The following BID variants were observed in gnomAD, a reference collection of about 807,000 sequenced individuals.
The protein encoded by BID is BH3 interacting domain death agonist, also known as BH3-interacting domain death agonist.
BID carries 19 observed loss-of-function variants against 17.4 expected under a neutral mutation model. That is an observed-to-expected ratio of 1.09 (90% CI 0.76 to 1.60). The LOEUF (loss-of-function observed/expected upper bound fraction) is 1.60. BID is among the 40% of genes most tolerant of loss of function. BID has a pLI of 0.00. For synonymous variants in BID, 108 were observed against 102.8 expected, an observed-to-expected ratio of 1.05 and a Z score of -0.31; for missense variants, 226 against 256.0, an observed-to-expected ratio of 0.88 and a Z score of 0.80.
chr22:17,739,642 G>A (rs571523136), intron 3 of BID, 154 bp from the exon 4 acceptor site: 31 of 1,051,036 alleles, frequency 2.9e-5, no homozygotes, highest in African/African-American at 1.4e-4. Flanking sequence ...GGGCCACAGC[G>A]GGCGGGCTGA....
rs1187037274 is a variant in BID, at chr22:17,773,639, C to G, written c.-59+742G>C. The G allele has an allele frequency of 6.2e-7, 1 of 1,612,262 alleles. No homozygotes were observed. The highest frequency in any genetic ancestry group is 1.7e-5 in the Admixed American group (1 of 60,022). The stretch of plus-strand genomic sequence containing the variant: ...TCCGCACTGTGCTCCTCCAGCCGGC[C>G]CGGCCCCTCGCTGCCCACCGAGCCA... On this transcript the variant is annotated intron_variant, in intron 1 of 5. Transcript: ENST00000622694. This position sits in a 1 kb window ranked among gnomAD's most constrained non-coding sequence, Gnocchi z 4.4.
At chr22:17,752,546 A>G (rs1216303027) in intron 1 of BID, among the ~76,000 whole-genome samples, 1 of 152,116 alleles carries the variant, frequency 6.6e-6, no homozygotes, top group Non-Finnish European at 1.5e-5. Flanking sequence ...TCATGGAGGA[A>G]TACCACTAAC....
At chr22:17,763,828 T>C (rs1342621648) in intron 1 of BID, among the ~76,000 whole-genome samples, 1 of 151,168 alleles carries the variant, frequency 6.6e-6, no homozygotes, top group Non-Finnish European at 1.5e-5. Flanking sequence ...ATGTCAGTTA[T>C]GGAAACACAT....
chr22:17,741,988 C>T (rs1453535889), intron 3 of BID, among the ~76,000 whole-genome samples: 5 of 152,206 alleles, frequency 3.3e-5, no homozygotes, highest in Non-Finnish European at 7.3e-5. Context: ...CGCTCGTTCC[C>T]GAAGCTTATC....
chr22:17,766,282 CTTTT>C (rs71201884), intron 1 of BID, among the ~76,000 whole-genome samples: 2 of 135,130 alleles, frequency 1.5e-5, no homozygotes, highest in Non-Finnish European at 1.6e-5. Flanking sequence ...TTCTTTCTTT[CTTTT>C]TTTTTTTTTT....
chr22:17,747,205 G>A (rs2061500465), intron 2 of BID, among the ~76,000 whole-genome samples: 1 of 152,228 alleles, frequency 6.6e-6, no homozygotes, highest in Non-Finnish European at 1.5e-5. Flanking sequence ...GTGCCTCAGG[G>A]ACAGGCTGGG....
At position 17,735,496 on chromosome 22, in the gene BID, G is replaced by T; in HGVS notation, c.*84C>A. The T allele has an allele frequency of 6.5e-7, 1 of 1,533,838 alleles. No individual in the cohort carries two copies. ...TCTTCTCTAGGAACGCTGTTGACAT[G>T]CCAGGGCTCCGTCTACACTGGAAGC... is the stretch of plus-strand genomic sequence containing the variant. On this transcript the variant is annotated 3_prime_UTR_variant, in exon 6 of 6. Coordinates refer to ENST00000622694, the MANE Select transcript of BID (RefSeq NM_001196.4).
chr22:17,750,263 A>G (rs2061527759), intron 1 of BID, 89 bp from the exon 2 acceptor site: 2 of 1,161,510 alleles, frequency 1.7e-6, no homozygotes, highest in South Asian at 2.6e-5. Context: ...CCTGTGCTCC[A>G]GAAATGGCGG....
At chr22:17,737,970 G>A (rs1321519095) in intron 5 of BID, 47 bp downstream of exon 5, 1 of 1,597,784 alleles carries the variant, frequency 6.3e-7, no homozygotes, top group Admixed American at 1.7e-5. Flanking sequence ...CCAGAGAAAA[G>A]GGCATGGGCG....
chr22:17,761,397 G>A (rs1026907345), intron 1 of BID, among the ~76,000 whole-genome samples: 3 of 150,414 alleles, frequency 2.0e-5, no homozygotes, highest in African/African-American at 7.3e-5. Flanking sequence ...CCATCCAGGT[G>A]CATTACACAG....
intron 3 of BID, chr22:17,741,236 G>C (rs182371867): frequency 6.6e-6 from 1 of 152,258 alleles, no homozygotes; most frequent in Admixed American, 6.5e-5. Context: ...AGCAGGGCAG[G>C]GTTGGGAGAA....
intron 3 of BID, chr22:17,740,662 T>G (rs1478452975): frequency 6.1e-6 from 1 of 164,158 alleles, no homozygotes; most frequent in East Asian, 1.7e-4. Context: ...CTCCTGACCT[T>G]GTGATCCTCC....
intron 2 of BID, among the ~76,000 whole-genome samples, chr22:17,747,567 C>G (rs1000226247): frequency 1.2e-4 from 19 of 152,060 alleles, no homozygotes; most frequent in African/African-American, 4.6e-4. Context: ...GTGATCTGCC[C>G]ACCTTGGCCT....
intron 2 of BID, 133 bp downstream of exon 2, chr22:17,749,972 G>T: frequency 1.2e-6 from 1 of 850,288 alleles, no homozygotes; most frequent in Non-Finnish European, 1.8e-6. Context: ...GGCGGGGTTC[G>T]TCTGTGCCGA....
chr22:17,774,495 C>A, upstream of BID: 1 of 265,538 alleles, frequency 3.8e-6, no homozygotes, highest in South Asian at 3.3e-5. Context: ...CTTCCTCCTT[C>A]GGCCCCCCAC....
At chr22:17,756,118 C>T (rs887236482) in intron 1 of BID, among the ~76,000 whole-genome samples, 2 of 152,198 alleles carry the variant, frequency 1.3e-5, no homozygotes, top group South Asian at 2.1e-4. Context: ...CACCCTCCTT[C>T]GGCCTCCCAA....
chr22:17,738,292 TC>T, intron 4 of BID, 63 bp from the exon 5 acceptor site: 1 of 1,483,982 alleles, frequency 6.7e-7, no homozygotes. Context: ...GGAAAGACAG[TC>T]CCCAGTATGA....
intron 5 of BID, among the ~76,000 whole-genome samples, chr22:17,735,906 G>A (rs749782300): frequency 3.0e-4 from 45 of 152,152 alleles, no homozygotes; most frequent in Non-Finnish European, 6.2e-4. Flanking sequence ...TGCTGCACAC[G>A]TCTTGCCCAC....
chr22:17,751,345 GTCCGA>G (rs2061538151), intron 1 of BID, among the ~76,000 whole-genome samples: 2 of 150,690 alleles, frequency 1.3e-5, no homozygotes, highest in South Asian at 4.2e-4. Context: ...GCAGTCCGCA[GTCCGA>G]CCTGGGCGAC....
Sources: allele counts gnomAD v4.1 joint callset (sites outside exome capture counted in the v4.1 genomes callset), GRCh38; gene constraint gnomAD v4.1.1; non-coding constraint Gnocchi (gnomAD v3.1); transcripts MANE v1.5; gene names NCBI Gene and HGNC (gene_info 2026-07-23, HGNC 2026-07-21).